Variants in MPPED2 observed in about 807,000 individuals in gnomAD.
MPPED2 encodes metallophosphoesterase MPPED2.
Under a neutral mutation model 33.0 loss-of-function variants are expected in MPPED2, and 5 were observed. The observed-to-expected ratio is 0.15, with a 90% CI of 0.08 to 0.32. The LOEUF is 0.32. Among genes scored for constraint, MPPED2 ranks in the 10% least tolerant of loss-of-function variants. The probability of loss-of-function intolerance (pLI) is 1.00; values close to 1 mark genes in which losing one functional copy is unlikely to be tolerated. For missense variants in MPPED2, 275 were observed against 372.1 expected (o/e 0.74, Z 2.15); for synonymous variants, 136 against 141.9 (o/e 0.96, Z 0.29).
intron 4 of MPPED2, among the ~76,000 whole-genome samples, chr11:30,464,267 T>TC (rs1343993249): frequency 1.1e-4 from 7 of 62,396 alleles, no homozygotes; most frequent in African/African-American, 7.6e-4. Flanking sequence ...GAAAGGATAC[T>TC]AACACACACA....
chr11:30,466,850 A>G (rs1950728230), intron 4 of MPPED2, among the ~76,000 whole-genome samples: 1 of 152,186 alleles, frequency 6.6e-6, no homozygotes, highest in South Asian at 2.1e-4. Context: ...TAGATTCTAT[A>G]ATTCCATGCC....
intron 6 of MPPED2, among the ~76,000 whole-genome samples, chr11:30,401,941 C>T (rs1947915146): frequency 6.6e-6 from 1 of 151,862 alleles, no homozygotes; most frequent in Non-Finnish European, 1.5e-5. Flanking sequence ...TCGTGATCCG[C>T]CTGCCTCGGC....
At chr11:30,432,985 A>G (rs535958366) in intron 4 of MPPED2, among the ~76,000 whole-genome samples, 1 of 152,340 alleles carries the variant, frequency 6.6e-6, no homozygotes, top group Non-Finnish European at 1.5e-5. Context: ...TTTTGATACT[A>G]GGCACATGTT....
intron 1 of MPPED2, among the ~76,000 whole-genome samples, chr11:30,582,562 A>G (rs1272906332): frequency 6.6e-6 from 1 of 152,228 alleles, no homozygotes; most frequent in African/African-American, 2.4e-5. Flanking sequence ...TGGAGTAAAC[A>G]CACTAATTAA....
chr11:30,438,382 T>C (rs1949415973), intron 4 of MPPED2, among the ~76,000 whole-genome samples: 2 of 152,216 alleles, frequency 1.3e-5, no homozygotes, highest in Non-Finnish European at 2.9e-5. Flanking sequence ...AAATTACCTA[T>C]GAAGAATAGG....
intron 6 of MPPED2, chr11:30,389,094 C>A (rs1947738953): frequency 8.0e-7 from 1 of 1,256,016 alleles, no homozygotes; most frequent in Non-Finnish European, 1.0e-6. Context: ...CTCTAGAGGA[C>A]CAACTGTGTT....
chr11:30,583,877 A>C (rs936172288), intron 1 of MPPED2, among the ~76,000 whole-genome samples: 10 of 152,130 alleles, frequency 6.6e-5, no homozygotes, highest in African/African-American at 2.4e-4. Flanking sequence ...GCCTGGCGGG[A>C]CTTTGGAACT....
intron 4 of MPPED2, among the ~76,000 whole-genome samples, chr11:30,465,219 G>C (rs547633515): frequency 1.3e-5 from 2 of 152,324 alleles, no homozygotes; most frequent in African/African-American, 4.8e-5. Context: ...ATTGGAAATA[G>C]TTATGGGAAC....
chr11:30,541,243 A>C (rs925941687), intron 2 of MPPED2, among the ~76,000 whole-genome samples: 2 of 152,214 alleles, frequency 1.3e-5, no homozygotes, highest in Non-Finnish European at 2.9e-5. Flanking sequence ...ATTCTTGTTT[A>C]TTCAGTCTTG....
intron 4 of MPPED2, among the ~76,000 whole-genome samples, chr11:30,483,425 C>T (rs1002027742): frequency 6.6e-6 from 1 of 152,066 alleles, no homozygotes; most frequent in East Asian, 1.9e-4. Context: ...CACAAATGAA[C>T]CCTATGAGTT....
Position 30,417,561 on chromosome 11 carries a change from G to A in MPPED2, c.609C>T (p.Ile203=). The A allele has an allele frequency of 1.2e-6, 2 of 1,613,134 alleles. No individual in the cohort carries two copies. Among genetic ancestry groups the A allele is most frequent in the South Asian group, 2.2e-5 (2 of 91,064 alleles). The change falls in exon 5 of 7, where the codon ATC becomes ATT. Residue 203 remains isoleucine (I), a synonymous_variant. Transcript: ENST00000358117. ...GQSLLDKWNL[I]PEGIDILMTH... is the part of the protein sequence containing the mutation. Reference sequence around the variant, plus strand: ...TCATGAGTATGTCAATGCCCTCAGGGATGAGGTTCCACTTGTCCAGCAGAG... The same window carrying A: ...TCATGAGTATGTCAATGCCCTCAGGAATGAGGTTCCACTTGTCCAGCAGAG...
At chr11:30,426,425 T>C (rs568896215) in intron 4 of MPPED2, among the ~76,000 whole-genome samples, 2 of 152,332 alleles carry the variant, frequency 1.3e-5, no homozygotes, top group Admixed American at 1.3e-4. Flanking sequence ...GAATGCTCAG[T>C]AGGTGCCAGG....
intron 2 of MPPED2, among the ~76,000 whole-genome samples, chr11:30,569,052 A>T (rs937285803): frequency 1.3e-5 from 2 of 152,156 alleles, no homozygotes; most frequent in Non-Finnish European, 2.9e-5. Context: ...AATGACAAAC[A>T]ATCTGAGCAG....
chr11:30,522,947 C>G (rs1255547047), intron 3 of MPPED2, among the ~76,000 whole-genome samples: 1 of 152,158 alleles, frequency 6.6e-6, no homozygotes, highest in Non-Finnish European at 1.5e-5. Flanking sequence ...TTTAAAATAA[C>G]TGTGTTTAAA....
Position 30,580,322 on chromosome 11 carries a change from A to G in MPPED2, c.52T>C (p.Tyr18His), listed in dbSNP as rs778567411. The G allele has an allele frequency of 5.6e-6, 9 of 1,614,010 alleles. No individual in the cohort carries two copies. In the South Asian group the frequency reaches 7.7e-5, roughly 14 times the overall value. Residue 18 changes from tyrosine (Y) to histidine (H), a missense_variant, in exon 2 of 7, where the codon TAC becomes CAC. Physicochemically the swap from Tyr to His is moderately conservative, Grantham distance 83 (BLOSUM62 2). Transcript: ENST00000358117. ...AATGCCTGGGTGGGGTTTGAGCTGT[A>G]CTCATCCACCGTTATGGTAACTTTG... Reference protein sequence around the residue: ...QGKVTITVDEYSSNPTQAFTH... With the variant: ...QGKVTITVDEHSSNPTQAFTH...
At chr11:30,485,441 T>C (rs1486414844) in intron 4 of MPPED2, among the ~76,000 whole-genome samples, 2 of 152,198 alleles carry the variant, frequency 1.3e-5, no homozygotes, top group Non-Finnish European at 2.9e-5. Context: ...ATGTGTAACA[T>C]TTACACATGT....
downstream of MPPED2, among the ~76,000 whole-genome samples, chr11:30,408,444 T>C (rs1379099404): frequency 6.6e-6 from 1 of 152,188 alleles, no homozygotes; most frequent in Non-Finnish European, 1.5e-5. Context: ...TAGGAGTAGC[T>C]GGGATTACAG....
intron 4 of MPPED2, among the ~76,000 whole-genome samples, chr11:30,474,857 C>T (rs529379404): frequency 1.3e-5 from 2 of 152,246 alleles, no homozygotes; most frequent in South Asian, 2.1e-4. Context: ...TTATTACTTG[C>T]AGCCAAAAGT....
At chr11:30,565,004 C>T (rs1219912181) in intron 2 of MPPED2, among the ~76,000 whole-genome samples, 2 of 152,104 alleles carry the variant, frequency 1.3e-5, no homozygotes, top group African/African-American at 2.4e-5. Flanking sequence ...ATGACATCCT[C>T]CATTAACTGA....
Sources: allele counts gnomAD v4.1 joint callset (sites outside exome capture counted in the v4.1 genomes callset), GRCh38; gene constraint gnomAD v4.1.1; transcripts MANE v1.5; gene names NCBI Gene and HGNC (gene_info 2026-07-23, HGNC 2026-07-21).